The following USP34 variants were observed in gnomAD, a reference collection of about 807,000 sequenced individuals.
The protein encoded by USP34 is ubiquitin specific peptidase 34.
USP34 carries 70 observed loss-of-function variants against 460.3 expected under a neutral mutation model. The ratio of observed to expected loss-of-function variants is 0.15; its 90% CI spans 0.13 to 0.19. USP34 has a LOEUF of 0.19. USP34 is among the 10% of genes least tolerant of loss of function. USP34 has a pLI of 1.00. For synonymous variants in USP34, 1,647 were observed against 1,405.3 expected (o/e 1.17, Z -3.85); for missense variants, 3,985 against 4,236.2 (o/e 0.94, Z 1.65).
chr2:61,425,280 T>C (rs1694479188), intron 1 of USP34, among the ~76,000 whole-genome samples: 1 of 152,104 alleles, frequency 6.6e-6, no homozygotes. Flanking sequence ...TGGTTTTAAC[T>C]GAAACACCTT....
intron 41 of USP34, among the ~76,000 whole-genome samples, chr2:61,276,832 G>A (rs1005856701): frequency 5.9e-5 from 9 of 152,168 alleles, no homozygotes; most frequent in Non-Finnish European, 1.5e-5. Flanking sequence ...AAACAGATAA[G>A]ACTGTAATCT....
intron 67 of USP34, 56 bp downstream of exon 67, chr2:61,220,254 A>G: frequency 6.6e-7 from 1 of 1,506,960 alleles, no homozygotes; most frequent in Non-Finnish European, 8.9e-7. Context: ...AACAAAATGA[A>G]ACATAACTTT....
At chr2:61,373,785 A>G (rs1294409176) in intron 8 of USP34, among the ~76,000 whole-genome samples, 2 of 152,202 alleles carry the variant, frequency 1.3e-5, no homozygotes, top group Non-Finnish European at 2.9e-5. Context: ...TGTACATAAT[A>G]TAGATATCAT....
intron 29 of USP34, among the ~76,000 whole-genome samples, chr2:61,300,284 C>T (rs1690179907): frequency 6.6e-6 from 1 of 152,022 alleles, no homozygotes; most frequent in African/African-American, 2.4e-5. Flanking sequence ...CAATTTCATT[C>T]CTCCCATTCT....
intron 10 of USP34, among the ~76,000 whole-genome samples, chr2:61,351,023 G>C (rs562316835): frequency 4.6e-5 from 7 of 152,296 alleles, no homozygotes; most frequent in Non-Finnish European, 1.0e-4. Flanking sequence ...AGGAGTTTCA[G>C]ATCAGTCTGG....
At chr2:61,221,280 G>C (rs1009315585) in intron 66 of USP34, among the ~76,000 whole-genome samples, 2 of 152,078 alleles carry the variant, frequency 1.3e-5, no homozygotes, top group Non-Finnish European at 2.9e-5. Context: ...TGGAGGGTAG[G>C]GGAATGAAAA....
Position 61,333,902 on chromosome 2 carries a change from G to A in USP34, c.2814C>T (p.Tyr938=), listed in dbSNP as rs747867318. ...FGTFQQFGSS[Y]DTHWITMWAE... ...CTTACATTGTTATCCAGTGTGTATCGTAACTGCTCCCAAACTGCTGAAAAG... is the reference window on the plus strand; with the variant it reads ...CTTACATTGTTATCCAGTGTGTATCATAACTGCTCCCAAACTGCTGAAAAG... The change falls in exon 19 of 80, where the codon TAC becomes TAT. Residue 938 remains tyrosine (Y), a synonymous_variant. Coordinates refer to ENST00000398571, the MANE Select transcript of USP34 (RefSeq NM_014709.4). 1.1e-5 allele frequency: 18 copies of A among 1,583,826 alleles called. No individual in the cohort carries two copies. The highest frequency in any genetic ancestry group is 1.7e-4 in the Middle Eastern group (1 of 5,918).
intron 5 of USP34, among the ~76,000 whole-genome samples, chr2:61,392,713 T>G (rs1693389015): frequency 6.6e-6 from 1 of 152,204 alleles, no homozygotes; most frequent in Non-Finnish European, 1.5e-5. Flanking sequence ...CTTTCCATAC[T>G]AGACTGTTAA....
chr2:61,390,079 A>G (rs1186228852), intron 5 of USP34, among the ~76,000 whole-genome samples: 1 of 152,322 alleles, frequency 6.6e-6, no homozygotes, highest in African/African-American at 2.4e-5. Context: ...GACACTGAAC[A>G]TTCAGAAATT....
At chr2:61,192,307 C>A (rs1686667580) in intron 76 of USP34, among the ~76,000 whole-genome samples, 1 of 152,238 alleles carries the variant, frequency 6.6e-6, no homozygotes, top group Non-Finnish European at 1.5e-5. Context: ...AACATTAGTA[C>A]CTCCTCCTCT....
At chr2:61,221,925 T>C (rs1261342562) in intron 65 of USP34, 1 of 189,508 alleles carries the variant, frequency 5.3e-6, no homozygotes, top group Non-Finnish European at 1.1e-5. Flanking sequence ...TATGTATACA[T>C]TGTAGAATGG....
rs35776849 is a variant in USP34, at chr2:61,446,113, CAAA to C, written c.43+24534_43+24536del. Among the ~76,000 whole-genome samples, 21 of 87,240 alleles carry C rather than the reference CAAA, an allele frequency of 2.4e-4. No homozygotes were observed. In the South Asian group the frequency reaches 3.0e-3, roughly 12 times the overall value. The allele number at this position is 87,240 out of a possible 152,430, so 57.2% of individuals were successfully genotyped here. A position where few individuals can be genotyped will look rare whatever the true frequency, so the allele number is the denominator to read the frequency against. On this transcript the variant is annotated intron_variant, in intron 1 of 79. Coordinates refer to ENST00000398571, the MANE Select transcript of USP34 (RefSeq NM_014709.4). ...TGGGTGACAGAGTCAGACTCTGTCT[CAAA>C]AAAAAAAAAAAAAAAAAACTAAACT...
intron 41 of USP34, among the ~76,000 whole-genome samples, chr2:61,272,213 C>T (rs910606299): frequency 1.1e-4 from 16 of 152,044 alleles, no homozygotes; most frequent in Admixed American, 1.0e-3. Flanking sequence ...ATATCGAGAC[C>T]ATCCTGGCTA....
At chr2:61,418,300 G>T (rs574655792) in intron 2 of USP34, among the ~76,000 whole-genome samples, 20 of 151,340 alleles carry the variant, frequency 1.3e-4, no homozygotes, top group African/African-American at 4.6e-4. Flanking sequence ...GGCTGGTCTC[G>T]AACTCCTGAC....
chr2:61,259,639 G>T, intron 44 of USP34, 72 bp downstream of exon 44: 1 of 1,439,394 alleles, frequency 6.9e-7, no homozygotes, highest in Non-Finnish European at 9.6e-7. Flanking sequence ...ACCCACCTTG[G>T]CCTCCCAAAA....
At chr2:61,341,725 T>G (rs942349571) in intron 16 of USP34, among the ~76,000 whole-genome samples, 1 of 151,882 alleles carries the variant, frequency 6.6e-6, no homozygotes, top group East Asian at 1.9e-4. Flanking sequence ...AAACCACTTT[T>G]GTTTATAAAC....
At chr2:61,244,174 G>C (rs1017708916) in intron 51 of USP34, among the ~76,000 whole-genome samples, 1 of 152,122 alleles carries the variant, frequency 6.6e-6, no homozygotes, top group Non-Finnish European at 1.5e-5. Flanking sequence ...AACTTTATTT[G>C]GGCTAATCTA....
rs538715926 is a variant in USP34, at chr2:61,356,280, G to A, written c.1252-5587C>T. 3.9e-5 allele frequency among the ~76,000 whole-genome samples: 6 copies of A among 152,144 alleles called. No homozygotes were observed. In the South Asian group the frequency reaches 8.3e-4, roughly 21 times the overall value. On this transcript the variant is annotated intron_variant, in intron 10 of 79. Coordinates refer to ENST00000398571, the MANE Select transcript of USP34 (RefSeq NM_014709.4). ...AGGCGGGTGGATCACTTGAGCCCAGGAAATCAAGACTAGCCAGGTCAACAT... is the reference window on the plus strand; with the variant it reads ...AGGCGGGTGGATCACTTGAGCCCAGAAAATCAAGACTAGCCAGGTCAACAT...
At chr2:61,426,892 G>A (rs757143866) in intron 1 of USP34, among the ~76,000 whole-genome samples, 1 of 152,200 alleles carries the variant, frequency 6.6e-6, no homozygotes, top group Non-Finnish European at 1.5e-5. Flanking sequence ...AGTAAGGAAA[G>A]AGAACAAGAG....
Sources: allele counts gnomAD v4.1 joint callset (sites outside exome capture counted in the v4.1 genomes callset), GRCh38; gene constraint gnomAD v4.1.1; transcripts MANE v1.5; gene names NCBI Gene and HGNC (gene_info 2026-07-23, HGNC 2026-07-21).